Variants in HS3ST4 observed in about 807,000 individuals in gnomAD.
HS3ST4 encodes the protein heparan sulfate glucosamine 3-O-sulfotransferase 4.
A neutral mutation model predicts 29.2 loss-of-function variants in HS3ST4; 17 were observed. The observed-to-expected ratio is 0.58, with a 90% CI of 0.40 to 0.87. HS3ST4 has a LOEUF of 0.87. Ranked by LOEUF, HS3ST4 falls within the 40% of genes least tolerant of loss-of-function variation. The pLI is 0.00. For missense variants in HS3ST4, 627 were observed against 634.5 expected (o/e 0.99, Z 0.13); for synonymous variants, 314 against 285.7 (o/e 1.10, Z -1.00).
intron 1 of HS3ST4, among the ~76,000 whole-genome samples, chr16:25,729,684 T>C (rs922738761): frequency 3.9e-5 from 6 of 152,232 alleles, no homozygotes; most frequent in South Asian, 2.1e-4. Context: ...AGTTATTATA[T>C]CTTGCACTTC....
chr16:25,974,577 C>T (rs532227251), intron 1 of HS3ST4, among the ~76,000 whole-genome samples: 58 of 151,350 alleles, frequency 3.8e-4, no homozygotes, highest in Non-Finnish European at 7.1e-4. Flanking sequence ...AAGAAACTCT[C>T]CCCTTTAGAG....
chr16:25,712,264 A>G (rs568157122), intron 1 of HS3ST4, among the ~76,000 whole-genome samples: 22 of 152,288 alleles, frequency 1.4e-4, no homozygotes, highest in Admixed American at 1.2e-3. Context: ...GCTCACCTCT[A>G]TACTCCCAGC....
intron 1 of HS3ST4, among the ~76,000 whole-genome samples, chr16:25,808,366 A>G (rs563245379): frequency 6.6e-6 from 1 of 152,300 alleles, no homozygotes; most frequent in East Asian, 1.9e-4. Flanking sequence ...AATTGCCCAA[A>G]CATGATTTAT....
Position 25,692,759 on chromosome 16 carries a change from C to G in HS3ST4, c.342C>G (p.Pro114=), listed in dbSNP as rs1014125882. 1.3e-5 allele frequency: 17 copies of G among 1,341,244 alleles called. No homozygotes were observed. Among genetic ancestry groups the G allele is most frequent in the Admixed American group, 7.6e-5 (2 of 26,428 alleles). The allele number at this position is 1,341,244 out of a possible 1,614,324, so 83.1% of individuals were successfully genotyped here. A position where few individuals can be genotyped will look rare whatever the true frequency, so the allele number is the denominator to read the frequency against. Residue 114 remains proline, a synonymous_variant, in exon 1 of 2, where the codon CCC becomes CCG. Coordinates refer to ENST00000331351, the MANE Select transcript of HS3ST4 (RefSeq NM_006040.3). ...DNASHGEPPE[P]PEQPAAPGTD... ...CGAGCCACGGGGAGCCGCCCGAGCCCCCAGAGCAGCCAGCCGCCCCCGGGA... is the reference window on the plus strand; with the variant it reads ...CGAGCCACGGGGAGCCGCCCGAGCCGCCAGAGCAGCCAGCCGCCCCCGGGA...
intron 1 of HS3ST4, among the ~76,000 whole-genome samples, chr16:25,742,952 ATGT>A (rs1400749163): frequency 6.6e-6 from 1 of 152,172 alleles, no homozygotes; most frequent in Admixed American, 6.5e-5. Flanking sequence ...GATGCTCCAC[ATGT>A]TGTTATACAA....
intron 1 of HS3ST4, among the ~76,000 whole-genome samples, chr16:25,909,846 A>T (rs1041726333): frequency 3.3e-5 from 5 of 152,036 alleles, no homozygotes; most frequent in Non-Finnish European, 7.4e-5. Flanking sequence ...AATAAAGATG[A>T]TTATTTTTTG....
At chr16:25,991,179 C>T (rs995376757) in intron 1 of HS3ST4, among the ~76,000 whole-genome samples, 4 of 152,108 alleles carry the variant, frequency 2.6e-5, no homozygotes, top group African/African-American at 7.2e-5. Flanking sequence ...CTAATTTAAA[C>T]CCACTGAACC....
chr16:26,020,959 G>C (rs1969407134), intron 1 of HS3ST4, among the ~76,000 whole-genome samples: 1 of 152,160 alleles, frequency 6.6e-6, no homozygotes, highest in African/African-American at 2.4e-5. Flanking sequence ...TGGTAAGAAT[G>C]GTTCTTGCCT....
chr16:26,102,591 C>T (rs1004837048), intron 1 of HS3ST4, among the ~76,000 whole-genome samples: 3 of 152,140 alleles, frequency 2.0e-5, no homozygotes, highest in Admixed American at 6.6e-5. Flanking sequence ...CAAGATCGTA[C>T]GTACAAAACA....
intron 1 of HS3ST4, among the ~76,000 whole-genome samples, chr16:25,997,031 GC>G (rs1969164370): frequency 1.3e-5 from 2 of 151,780 alleles, no homozygotes; most frequent in African/African-American, 2.4e-5. Flanking sequence ...TCCTTTTCTA[GC>G]TAGTGAGTGC....
chr16:25,876,221 A>C (rs1014117507), intron 1 of HS3ST4, among the ~76,000 whole-genome samples: 7 of 152,220 alleles, frequency 4.6e-5, no homozygotes, highest in Middle Eastern at 3.4e-3. Context: ...TGCAATCTGG[A>C]CTGCTATTTC....
chr16:25,883,155 T>A (rs1218380663), intron 1 of HS3ST4, among the ~76,000 whole-genome samples: 1 of 151,332 alleles, frequency 6.6e-6, no homozygotes, highest in East Asian at 1.9e-4. Context: ...ATTTTTTTTT[T>A]TTTTTTTTTT....
intron 1 of HS3ST4, among the ~76,000 whole-genome samples, chr16:25,911,668 C>A (rs948185936): frequency 2.0e-5 from 3 of 151,802 alleles, no homozygotes; most frequent in Admixed American, 6.6e-5. Context: ...CACCAACATA[C>A]CTGGCTCATT....
chr16:25,976,986 C>T (rs1968951083), intron 1 of HS3ST4, among the ~76,000 whole-genome samples: 1 of 152,036 alleles, frequency 6.6e-6, no homozygotes. Context: ...ATGTAAAAAC[C>T]ACCCTGAGTC....
chr16:26,129,712 T>C (rs765841664), intron 1 of HS3ST4, among the ~76,000 whole-genome samples: 1 of 152,200 alleles, frequency 6.6e-6, no homozygotes, highest in Non-Finnish European at 1.5e-5. Flanking sequence ...AGTTAATCAG[T>C]GGATGCAAAC....
intron 1 of HS3ST4, among the ~76,000 whole-genome samples, chr16:26,117,257 G>A (rs1899213089): frequency 6.6e-6 from 1 of 152,200 alleles, no homozygotes; most frequent in Admixed American, 6.5e-5. Flanking sequence ...GATACAGGCA[G>A]CAAGCCCCAC....
At chr16:25,973,602 A>G (rs1968916697) in intron 1 of HS3ST4, among the ~76,000 whole-genome samples, 1 of 152,204 alleles carries the variant, frequency 6.6e-6, no homozygotes, top group Admixed American at 6.5e-5. Flanking sequence ...CCTAGCACTT[A>G]GTTCTGTGAC....
intron 1 of HS3ST4, among the ~76,000 whole-genome samples, chr16:25,746,126 A>G (rs1966683753): frequency 6.6e-6 from 1 of 152,232 alleles, no homozygotes; most frequent in African/African-American, 2.4e-5. Flanking sequence ...CTTCTCAATT[A>G]GACTATGAGC....
At chr16:25,958,491 C>A (rs925914945) in intron 1 of HS3ST4, among the ~76,000 whole-genome samples, 1 of 151,998 alleles carries the variant, frequency 6.6e-6, no homozygotes, top group African/African-American at 2.4e-5. Flanking sequence ...CCACCACACC[C>A]GGCTAATTTT....
Sources: gnomAD v4.1 joint callset for allele counts (sites outside exome capture counted in the v4.1 genomes callset) on GRCh38, gnomAD v4.1.1 for gene constraint, MANE v1.5 for transcripts, NCBI Gene and HGNC (gene_info 2026-07-23, HGNC 2026-07-21) for gene names.